The following HDAC9 variants were observed in gnomAD, a reference collection of about 807,000 sequenced individuals.
HDAC9 encodes the protein MEF-2 interacting transcription repressor (MITR) protein.
In HDAC9, 41 loss-of-function variants were observed where a neutral mutation model predicts 139.4. That is an observed-to-expected ratio of 0.29 (90% CI 0.23 to 0.38). The LOEUF (loss-of-function observed/expected upper bound fraction) is 0.38. Among genes scored for constraint, HDAC9 ranks in the 10% least tolerant of loss-of-function variants. The probability of loss-of-function intolerance (pLI) is 1.00; values close to 1 mark genes in which losing one functional copy is unlikely to be tolerated. For missense variants in HDAC9, 1,147 were observed against 1,297.0 expected, an observed-to-expected ratio of 0.88 and a Z score of 1.78; for synonymous variants, 517 against 476.2, an observed-to-expected ratio of 1.09 and a Z score of -1.12.
chr7:18,836,019 A>T, intron 21 of HDAC9, 22 bp downstream of exon 21: 2 of 1,376,386 alleles, frequency 1.5e-6, no homozygotes, highest in Non-Finnish European at 2.0e-6. Flanking sequence ...TTTCTCTCTG[A>T]AAGTGGCAAA....
At chr7:18,231,996 C>T (rs1793492403) in intron 2 of HDAC9, among the ~76,000 whole-genome samples, 1 of 152,136 alleles carries the variant, frequency 6.6e-6, no homozygotes, top group Non-Finnish European at 1.5e-5. Flanking sequence ...TAAATGGGAA[C>T]AAATTAATTT....
At chr7:18,980,204 G>T (rs1246521559) in intron 25 of HDAC9, among the ~76,000 whole-genome samples, 1 of 152,002 alleles carries the variant, frequency 6.6e-6, no homozygotes. Context: ...TAGAACATTA[G>T]GGATGTTCTA....
intron 22 of HDAC9, among the ~76,000 whole-genome samples, chr7:18,929,157 C>T (rs1166904404): frequency 6.6e-6 from 1 of 151,892 alleles, no homozygotes; most frequent in Non-Finnish European, 1.5e-5. Flanking sequence ...ATCTTTGAGC[C>T]TTCTTAGAGC....
At chr7:18,707,909 G>A (rs980614364) in intron 12 of HDAC9, among the ~76,000 whole-genome samples, 10 of 151,844 alleles carry the variant, frequency 6.6e-5, no homozygotes, top group African/African-American at 2.4e-4. Flanking sequence ...GTCTGTATTT[G>A]AGTTGGAAGC....
intron 16 of HDAC9, among the ~76,000 whole-genome samples, chr7:18,782,488 G>A (rs948538719): frequency 2.6e-5 from 4 of 151,986 alleles, no homozygotes; most frequent in African/African-American, 9.7e-5. Flanking sequence ...CTTTGTTTCA[G>A]ATTCCAATGA....
intron 1 of HDAC9, among the ~76,000 whole-genome samples, chr7:18,343,684 A>G (rs570007363): frequency 1.3e-5 from 2 of 152,048 alleles, no homozygotes; most frequent in South Asian, 4.1e-4. Flanking sequence ...GGATCTAACT[A>G]GAGAGCTCTT....
At chr7:18,794,675 A>T (rs1217679502) in intron 17 of HDAC9, among the ~76,000 whole-genome samples, 1 of 152,206 alleles carries the variant, frequency 6.6e-6, no homozygotes, top group East Asian at 1.9e-4. Context: ...CAGCCTGTGG[A>T]GAGGTTTTGG....
chr7:18,634,713 T>G lies in HDAC9; in HGVS notation c.883T>G (p.Ser295Ala). 6.3e-7 allele frequency: 1 copy of G among 1,597,046 alleles called. No homozygotes were observed. The highest frequency in any genetic ancestry group is 8.5e-7 in the Non-Finnish European group (1 of 1,170,738). ...PTGSVTENET[S>A]VLPPTPHAEQ... ...TGGAAGTGTTACTGAAAATGAGACT[T>G]CGGTTTTGCCCCCTACCCCTCATGC... Residue 295 changes from serine (S) to alanine (A), a missense_variant, in exon 8 of 26, where the codon TCG becomes GCG. Ser to Ala is a moderately conservative substitution (Grantham distance 99, BLOSUM62 1). Transcript: ENST00000686413.
intron 23 of HDAC9, among the ~76,000 whole-genome samples, chr7:18,945,613 G>T (rs926891224): frequency 6.6e-6 from 1 of 152,104 alleles, no homozygotes; most frequent in African/African-American, 2.4e-5. Context: ...TTTTCTGAAA[G>T]GTTTATTTTT....
At chr7:18,536,185 T>C (rs901385054) in intron 2 of HDAC9, among the ~76,000 whole-genome samples, 4 of 152,176 alleles carry the variant, frequency 2.6e-5, no homozygotes, top group African/African-American at 7.2e-5. Flanking sequence ...CCCAGCTTCC[T>C]TGCCCCTTGG....
intron 2 of HDAC9, among the ~76,000 whole-genome samples, chr7:18,206,905 C>G (rs191935775): frequency 6.8e-6 from 1 of 147,698 alleles, no homozygotes; most frequent in Admixed American, 6.8e-5. Context: ...TTGCCTCATT[C>G]AAAAAATGAT....
At chr7:18,102,981 A>C (rs907209034) in intron 1 of HDAC9, among the ~76,000 whole-genome samples, 1 of 152,216 alleles carries the variant, frequency 6.6e-6, no homozygotes. Context: ...CACACTGCTA[A>C]TAAAGACATA....
At chr7:18,108,611 CTT>C (rs10708554) in intron 1 of HDAC9, among the ~76,000 whole-genome samples, 116 of 82,958 alleles carry the variant, frequency 1.4e-3, no homozygotes, top group Admixed American at 3.3e-3. Flanking sequence ...CACTCATCTC[CTT>C]TTTTTTTTTT....
At chr7:18,611,845 A>C (rs1193045424) in intron 6 of HDAC9, among the ~76,000 whole-genome samples, 6 of 152,168 alleles carry the variant, frequency 3.9e-5, no homozygotes, top group African/African-American at 9.6e-5. Flanking sequence ...TTGTAAAAGC[A>C]ATGATGAGAG....
intron 12 of HDAC9, among the ~76,000 whole-genome samples, chr7:18,724,595 T>C (rs1452273408): frequency 6.6e-6 from 1 of 152,138 alleles, no homozygotes; most frequent in Non-Finnish European, 1.5e-5. Context: ...ACACTTAGGC[T>C]ACACTAAATT....
intron 22 of HDAC9, among the ~76,000 whole-genome samples, chr7:18,894,690 T>C (rs1177021951): frequency 2.0e-5 from 3 of 152,098 alleles, no homozygotes; most frequent in Admixed American, 2.0e-4. Context: ...TGATGAGTAC[T>C]TGAAAAAATA....
At chr7:18,871,092 G>A (rs1313801452) in intron 21 of HDAC9, among the ~76,000 whole-genome samples, 1 of 152,150 alleles carries the variant, frequency 6.6e-6, no homozygotes, top group African/African-American at 2.4e-5. Flanking sequence ...AGAAAGAGCT[G>A]TTTTCTCTCC....
chr7:18,876,303 T>C (rs922074558), intron 22 of HDAC9, among the ~76,000 whole-genome samples: 2 of 152,140 alleles, frequency 1.3e-5, no homozygotes, highest in African/African-American at 4.8e-5. Flanking sequence ...TCAGTTTGTC[T>C]AGAATGCCTC....
intron 1 of HDAC9, among the ~76,000 whole-genome samples, chr7:18,149,641 C>T (rs1052292485): frequency 5.9e-5 from 9 of 151,954 alleles, no homozygotes; most frequent in Non-Finnish European, 1.3e-4. Flanking sequence ...GGCTTCGCCT[C>T]CCGGGTTCAC....
Sources: gnomAD v4.1 joint callset for allele counts (sites outside exome capture counted in the v4.1 genomes callset) on GRCh38, gnomAD v4.1.1 for gene constraint, MANE v1.5 for transcripts, NCBI Gene and HGNC (gene_info 2026-07-23, HGNC 2026-07-21) for gene names.